CYFIP1: variants seen among roughly 807,000 people sequenced by gnomAD.
The protein encoded by CYFIP1 is cytoplasmic FMR1 interacting protein 1.
In CYFIP1, 58 loss-of-function variants were observed where a neutral mutation model predicts 163.5. The ratio of observed to expected loss-of-function variants is 0.35; its 90% confidence interval spans 0.29 to 0.44. The LOEUF is 0.44. CYFIP1 is among the 20% of genes least tolerant of loss of function. CYFIP1 has a pLI of 1.00. For synonymous variants in CYFIP1, 663 were observed against 660.7 expected (o/e 1.00, Z -0.05); for missense variants, 1,338 against 1,653.8 (o/e 0.81, Z 3.31).
rs555825112 is a variant in CYFIP1 at position 22,951,900 on chromosome 15, C to T, written c.-6-4609G>A. Among the ~76,000 whole-genome samples the T allele has an allele frequency of 5.3e-5, 8 of 150,384 alleles. No individual in the cohort carries two copies. The South Asian group carries it at 1.5e-3, about 28-fold the overall frequency. ...CGAACCCACGGAAAAACGCCAGATG[C>T]GCAGCTTGTTGAACCCACGGAAAAA... On this transcript the variant is annotated intron_variant, in intron 1 of 30. Coordinates refer to ENST00000617928, the MANE Select transcript of CYFIP1 (RefSeq NM_014608.6).
Position 22,879,943 on chromosome 15 carries a change from G to T in CYFIP1, c.3012C>A (p.Ile1004=), listed in dbSNP as rs760077367. Residue 1004 remains isoleucine (I), a synonymous_variant, in exon 26 of 31, where the codon ATC becomes ATA. Coordinates refer to ENST00000617928, the MANE Select transcript of CYFIP1 (RefSeq NM_014608.6). ...TCTGCTCGATGAGCAGGCAGAAGAGGATGGCGTTCCCCACCTCCCGCAGGT... is the reference window on the plus strand; with the variant it reads ...TCTGCTCGATGAGCAGGCAGAAGAGTATGGCGTTCCCCACCTCCCGCAGGT... ...FQNLREVGNA[I]LFCLLIEQSL... 1 of 1,613,392 alleles carries T rather than the reference G, an allele frequency of 6.2e-7. No homozygotes were observed. Among genetic ancestry groups the T allele is most frequent in the Non-Finnish European group, 8.5e-7 (1 of 1,179,978 alleles).
chr15:22,968,734 T>G (rs2062993812), intron 1 of CYFIP1, among the ~76,000 whole-genome samples: 1 of 152,206 alleles, frequency 6.6e-6, no homozygotes, highest in African/African-American at 2.4e-5. Flanking sequence ...TCAGTGAAGT[T>G]TTTGTTCATA....
At chr15:22,918,508 C>A (rs764841414) in intron 14 of CYFIP1, among the ~76,000 whole-genome samples, 184 bp downstream of exon 14, 9 of 152,150 alleles carry the variant, frequency 5.9e-5, no homozygotes, top group Non-Finnish European at 8.8e-5. Context: ...ACTTACTGTC[C>A]ATTGTTTGGG....
chr15:22,962,806 T>C (rs2062732917), intron 1 of CYFIP1, among the ~76,000 whole-genome samples: 1 of 152,202 alleles, frequency 6.6e-6, no homozygotes, highest in Non-Finnish European at 1.5e-5. Context: ...TGCCCACTGC[T>C]ATTACGAGAC....
chr15:22,903,891 C>A lies in CYFIP1; in HGVS notation c.2403G>T (p.Leu801=), dbSNP rs1427547127. 4 of 1,614,020 alleles carry A rather than the reference C, an allele frequency of 2.5e-6. No homozygotes were observed. The highest frequency in any genetic ancestry group is 2.5e-6 in the Non-Finnish European group (3 of 1,179,988). The change falls in exon 22 of 31, where the codon CTG becomes CTT. Residue 801 remains leucine (L), a synonymous_variant. Transcript: ENST00000617928. The part of the protein sequence containing the change: ...DLTSIVELDG[L]LEINRMTHKL... Reference sequence around the variant, plus strand: ...TGTGGGTCATGCGGTTGATTTCCAACAGGCCATCCAGCTCCTGTGGCACCA... The same window carrying A: ...TGTGGGTCATGCGGTTGATTTCCAAAAGGCCATCCAGCTCCTGTGGCACCA...
At chr15:22,902,793 C>T (rs2060438842) in intron 22 of CYFIP1, among the ~76,000 whole-genome samples, 1 of 152,176 alleles carries the variant, frequency 6.6e-6, no homozygotes, top group Non-Finnish European at 1.5e-5. Flanking sequence ...ACCCACGGCC[C>T]CACAGGAAAC....
chr15:22,874,497 C>G (rs1223636268), intron 28 of CYFIP1, 53 bp downstream of exon 28: 1 of 1,419,312 alleles, frequency 7.0e-7, no homozygotes, highest in African/African-American at 1.5e-5. Context: ...GGCCACCTGG[C>G]CTGGCATGGA....
intron 22 of CYFIP1, among the ~76,000 whole-genome samples, chr15:22,893,758 G>A (rs995243694): frequency 1.3e-5 from 2 of 152,102 alleles, no homozygotes; most frequent in Admixed American, 6.5e-5. Flanking sequence ...CTTTCCAAAC[G>A]GATCCTAAAT....
At chr15:22,938,474 A>G (rs1213186188) in intron 8 of CYFIP1, among the ~76,000 whole-genome samples, 1 of 152,068 alleles carries the variant, frequency 6.6e-6, no homozygotes, top group Non-Finnish European at 1.5e-5. Flanking sequence ...GCATTGGTGC[A>G]AGTGCCTGTG....
At chr15:22,958,210 C>T (rs2062548358) in intron 1 of CYFIP1, among the ~76,000 whole-genome samples, 1 of 151,842 alleles carries the variant, frequency 6.6e-6, no homozygotes, top group Non-Finnish European at 1.5e-5. Context: ...CTCAGCCTCT[C>T]AAGTAGCTGG....
intron 10 of CYFIP1, among the ~76,000 whole-genome samples, chr15:22,932,759 G>A (rs1013803985): frequency 3.9e-5 from 6 of 152,148 alleles, no homozygotes; most frequent in Admixed American, 6.5e-5. Flanking sequence ...GTTCTTCACA[G>A]AGTAAGATGG....
chr15:22,913,527 CAAAAAAAAAAA>C (rs35228444), intron 17 of CYFIP1, among the ~76,000 whole-genome samples: 1 of 10,286 alleles, frequency 9.7e-5, no homozygotes, highest in Non-Finnish European at 1.7e-4. Context: ...GGCTCTGTCT[CAAAAAAAAAAA>C]AAAAAAAAAA....
chr15:22,880,604 A>C (rs2059728893), intron 25 of CYFIP1, among the ~76,000 whole-genome samples: 1 of 152,196 alleles, frequency 6.6e-6, no homozygotes, highest in South Asian at 2.1e-4. Context: ...TTTCCCAGCC[A>C]ATCTACAGCT....
chr15:22,958,595 G>A (rs957327089), intron 1 of CYFIP1, among the ~76,000 whole-genome samples: 7 of 152,110 alleles, frequency 4.6e-5, no homozygotes, highest in African/African-American at 1.2e-4. Context: ...CAGCCCCTTC[G>A]GCCAGGGTCA....
chr15:22,880,478 C>T (rs1440359410), intron 25 of CYFIP1, among the ~76,000 whole-genome samples: 1 of 152,210 alleles, frequency 6.6e-6, no homozygotes, highest in Non-Finnish European at 1.5e-5. Flanking sequence ...GCACGCCCAA[C>T]GGGAGGCCGC....
rs1397302882 is a variant in CYFIP1, at chr15:22,880,163, C to T, written c.2912-120G>A. 1.2e-5 allele frequency: 16 copies of T among 1,351,766 alleles called. No individual in the cohort carries two copies. The East Asian group carries it at 3.7e-4, about 31-fold the overall frequency. 83.7% of individuals were successfully genotyped at this position (1,351,766 alleles called of 1,614,324 possible). A position where few individuals can be genotyped will look rare whatever the true frequency, so the allele number is the denominator to read the frequency against. ...CCGCCATCAAGCCTGGCTATAAGGACAGCCACAACGTCCCATCCCCAGCAT... is the reference window on the plus strand; with the variant it reads ...CCGCCATCAAGCCTGGCTATAAGGATAGCCACAACGTCCCATCCCCAGCAT... On this transcript the variant is annotated intron_variant, in intron 25 of 30. Coordinates refer to ENST00000617928, the MANE Select transcript of CYFIP1 (RefSeq NM_014608.6).
chr15:22,952,463 G>A (rs1249748127), intron 1 of CYFIP1, among the ~76,000 whole-genome samples: 2 of 151,782 alleles, frequency 1.3e-5, no homozygotes, highest in Non-Finnish European at 2.9e-5. Context: ...AGACCAGCCT[G>A]GACAATATGG....
chr15:22,963,547 A>G (rs2062776535), intron 1 of CYFIP1, among the ~76,000 whole-genome samples: 1 of 136,296 alleles, frequency 7.3e-6, no homozygotes, highest in Non-Finnish European at 1.6e-5. Context: ...AACATAACAT[A>G]ACATAACATA....
Position 22,966,949 on chromosome 15 carries a change from G to A in CYFIP1, c.-7+13338C>T, listed in dbSNP as rs190910244. 2.3e-3 allele frequency among the ~76,000 whole-genome samples: 349 copies of A among 151,500 alleles called. 1 individual carries two copies. Among genetic ancestry groups the A allele is most frequent in the African/African-American group, 8.0e-3 (329 of 41,282 alleles). On this transcript the variant is annotated intron_variant, in intron 1 of 30. Coordinates refer to ENST00000617928, the MANE Select transcript of CYFIP1 (RefSeq NM_014608.6). ...CGTTGATGAACACACAGACGGTGGCGCATGTTCAGAGATGCCGAGGGGACG... is the reference window on the plus strand; with the variant it reads ...CGTTGATGAACACACAGACGGTGGCACATGTTCAGAGATGCCGAGGGGACG...
Sources: gnomAD v4.1 joint callset for allele counts (sites outside exome capture counted in the v4.1 genomes callset) on GRCh38, gnomAD v4.1.1 for gene constraint, MANE v1.5 for transcripts, NCBI Gene and HGNC (gene_info 2026-07-23, HGNC 2026-07-21) for gene names.